Variants in IMMP1L observed in about 807,000 individuals in gnomAD.
The protein encoded by IMMP1L is inner mitochondrial membrane peptidase subunit 1.
IMMP1L carries 24 observed loss-of-function variants against 21.8 expected under a neutral mutation model. The observed-to-expected ratio is 1.10, with a 90% CI of 0.80 to 1.55. The LOEUF (loss-of-function observed/expected upper bound fraction) is 1.55. Among genes scored for constraint, IMMP1L ranks in the 40% most tolerant of loss-of-function variants. The probability of loss-of-function intolerance (pLI) is 0.00; values close to 1 mark genes in which losing one functional copy is unlikely to be tolerated. For synonymous variants in IMMP1L, 46 were observed against 62.8 expected (o/e 0.73, Z 1.26); for missense variants, 195 against 200.7 (o/e 0.97, Z 0.17).
At chr11:31,457,431 T>C (rs1309634302) in intron 3 of IMMP1L, among the ~76,000 whole-genome samples, 2 of 152,222 alleles carry the variant, frequency 1.3e-5, no homozygotes, top group African/African-American at 4.8e-5. Flanking sequence ...ATGTGAATTC[T>C]GTTGACTAAC....
intron 1 of IMMP1L, among the ~76,000 whole-genome samples, chr11:31,471,896 CAA>C (rs1954564998): frequency 6.6e-6 from 1 of 152,190 alleles, no homozygotes; most frequent in South Asian, 2.1e-4. Flanking sequence ...GCTAAAAAAT[CAA>C]GACTGTTTCT....
chr11:31,506,883 C>T (rs1955793964), intron 1 of IMMP1L, among the ~76,000 whole-genome samples: 1 of 151,838 alleles, frequency 6.6e-6, no homozygotes, highest in South Asian at 2.1e-4. Flanking sequence ...TCATTTGAAC[C>T]CAGGAGGCGG....
At chr11:31,475,810 G>C (rs1465700882) in intron 1 of IMMP1L, among the ~76,000 whole-genome samples, 1 of 152,128 alleles carries the variant, frequency 6.6e-6, no homozygotes, top group Admixed American at 6.6e-5. Context: ...TACTTCAGAT[G>C]AGTTTATTTG....
chr11:31,448,034 C>T (rs370476545), intron 4 of IMMP1L, among the ~76,000 whole-genome samples: 7 of 152,070 alleles, frequency 4.6e-5, no homozygotes, highest in Non-Finnish European at 7.4e-5. Context: ...AGCACCTGGG[C>T]GCGGTGGCTC....
chr11:31,463,826 A>G (rs925324329), intron 1 of IMMP1L, among the ~76,000 whole-genome samples: 3 of 152,172 alleles, frequency 2.0e-5, no homozygotes, highest in Non-Finnish European at 4.4e-5. Context: ...AATGATTATT[A>G]GAATCAAATT....
At chr11:31,497,460 C>CTTT (rs796666845) in intron 1 of IMMP1L, among the ~76,000 whole-genome samples, 6 of 123,982 alleles carry the variant, frequency 4.8e-5, no homozygotes, top group Non-Finnish European at 1.0e-4. Context: ...TATTTCTTTT[C>CTTT]TTTTTTTTTT....
intron 4 of IMMP1L, among the ~76,000 whole-genome samples, chr11:31,438,035 G>A (rs1162934047): frequency 6.6e-6 from 1 of 152,136 alleles, no homozygotes; most frequent in East Asian, 1.9e-4. Flanking sequence ...ATAAAGCACT[G>A]TGAACATTCA....
chr11:31,470,789 C>T (rs1954522014), intron 1 of IMMP1L, among the ~76,000 whole-genome samples: 1 of 152,072 alleles, frequency 6.6e-6, no homozygotes, highest in Admixed American at 6.5e-5. Flanking sequence ...TACTATTCAG[C>T]CACAAAAACC....
Position 31,460,811 on chromosome 11 carries a change from T to C in IMMP1L, c.106-97A>G. ...CTTAAAAGAAAGAAAATCAAGCAAA[T>C]GTTCCTAAAGCTTGGGGGATGATTC... On this transcript the variant is annotated intron_variant, in intron 2 of 5. Transcript: ENST00000532287. The C allele has an allele frequency of 4.5e-6, 4 of 896,122 alleles. No homozygotes were observed. In the South Asian group the frequency reaches 4.7e-5, roughly 11 times the overall value. The allele number at this position is 896,122 out of a possible 1,614,324, so 55.5% of individuals were successfully genotyped here.
intron 1 of IMMP1L, among the ~76,000 whole-genome samples, chr11:31,485,475 G>A (rs1955041874): frequency 6.6e-6 from 1 of 151,890 alleles, no homozygotes; most frequent in East Asian, 1.9e-4. Context: ...GACAGAAATC[G>A]GTCTGAGGTT....
At chr11:31,496,562 A>G (rs1024165085) in intron 1 of IMMP1L, among the ~76,000 whole-genome samples, 1 of 152,104 alleles carries the variant, frequency 6.6e-6, no homozygotes, top group East Asian at 1.9e-4. Context: ...AGCCAAAGGT[A>G]GAAACAACCC....
At chr11:31,443,262 T>C (rs1354750248) in intron 4 of IMMP1L, among the ~76,000 whole-genome samples, 1 of 152,212 alleles carries the variant, frequency 6.6e-6, no homozygotes, top group Non-Finnish European at 1.5e-5. Flanking sequence ...GTTTGAGTCA[T>C]GTAACAGCAA....
intron 1 of IMMP1L, among the ~76,000 whole-genome samples, chr11:31,474,748 C>A (rs1954673092): frequency 6.6e-6 from 1 of 152,106 alleles, no homozygotes; most frequent in South Asian, 2.1e-4. Context: ...GAAATAACTG[C>A]CATTACTTTA....
At chr11:31,499,658 CAT>C (rs1359123892) in intron 1 of IMMP1L, among the ~76,000 whole-genome samples, 4 of 152,096 alleles carry the variant, frequency 2.6e-5, no homozygotes, top group Non-Finnish European at 5.9e-5. Context: ...TTTTTTATAA[CAT>C]GTGAAAACTA....
intron 1 of IMMP1L, among the ~76,000 whole-genome samples, chr11:31,481,746 G>A (rs1374476233): frequency 6.6e-6 from 1 of 151,644 alleles, no homozygotes; most frequent in East Asian, 1.9e-4. Flanking sequence ...TTTAAAAGAA[G>A]TTTATAAAAA....
intron 1 of IMMP1L, among the ~76,000 whole-genome samples, chr11:31,487,111 AAAAT>A (rs1390634520): frequency 6.6e-6 from 1 of 151,780 alleles, no homozygotes; most frequent in Non-Finnish European, 1.5e-5. Flanking sequence ...TATACTTTCT[AAAAT>A]AATACTAATA....
At chr11:31,481,717 C>T (rs1034034845) in intron 1 of IMMP1L, among the ~76,000 whole-genome samples, 2 of 151,608 alleles carry the variant, frequency 1.3e-5, no homozygotes, top group Non-Finnish European at 2.9e-5. Flanking sequence ...ATAACTTGCA[C>T]AAGAAATCTT....
chr11:31,452,149 T>G, intron 4 of IMMP1L: 2 of 821,548 alleles, frequency 2.4e-6, no homozygotes, highest in Non-Finnish European at 2.9e-6. Flanking sequence ...GTGGAGTAAC[T>G]ATACACAACT....
At chr11:31,481,668 G>T (rs1041373439) in intron 1 of IMMP1L, among the ~76,000 whole-genome samples, 1 of 151,704 alleles carries the variant, frequency 6.6e-6, no homozygotes, top group Non-Finnish European at 1.5e-5. Flanking sequence ...ATGCATTTTT[G>T]AACAATAAAA....
Sources: allele counts gnomAD v4.1 joint callset (sites outside exome capture counted in the v4.1 genomes callset), GRCh38; gene constraint gnomAD v4.1.1; transcripts MANE v1.5; gene names NCBI Gene and HGNC (gene_info 2026-07-23, HGNC 2026-07-21).